Variants in MGAT5 observed in about 807,000 individuals in gnomAD.
MGAT5 encodes the protein alpha-1,6-mannosylglycoprotein 6-beta-N-acetylglucosaminyltransferase A.
In MGAT5, 30 loss-of-function variants were observed where a neutral mutation model predicts 94.3. The ratio of observed to expected loss-of-function variants is 0.32; its 90% CI spans 0.24 to 0.43. MGAT5 has a LOEUF of 0.43. MGAT5 is among the 20% of genes least tolerant of loss of function. The pLI is 1.00. For synonymous variants in MGAT5, 310 were observed against 322.9 expected (o/e 0.96, Z 0.43); for missense variants, 691 against 905.5 (o/e 0.76, Z 3.04).
chr2:134,428,545 T>C, intron 14 of MGAT5, 106 bp downstream of exon 14: 1 of 1,044,026 alleles, frequency 9.6e-7, no homozygotes, highest in Non-Finnish European at 1.4e-6. Flanking sequence ...GTGGCTATTT[T>C]CCTGCTTTGG....
At chr2:134,191,934 G>T (rs575467440) in intron 1 of MGAT5, among the ~76,000 whole-genome samples, 3 of 144,940 alleles carry the variant, frequency 2.1e-5, no homozygotes, top group South Asian at 2.2e-4. Context: ...CTGATGGAAG[G>T]GTGGATTCGT....
intron 2 of MGAT5, among the ~76,000 whole-genome samples, chr2:134,296,295 G>A (rs1685668967): frequency 6.6e-6 from 1 of 152,128 alleles, no homozygotes; most frequent in South Asian, 2.1e-4. Context: ...GGACCTGGGA[G>A]TCAGTTTCTG....
At chr2:134,368,324 G>A (rs1172579851) in intron 10 of MGAT5, among the ~76,000 whole-genome samples, 1 of 152,210 alleles carries the variant, frequency 6.6e-6, no homozygotes, top group Non-Finnish European at 1.5e-5. Context: ...AGCCAGTTCT[G>A]TAGAGTGAGT....
At chr2:134,128,403 T>C (rs1028980805) in intron 1 of MGAT5, among the ~76,000 whole-genome samples, 9 of 152,184 alleles carry the variant, frequency 5.9e-5, no homozygotes, top group African/African-American at 2.2e-4. Context: ...TACCAGCTTG[T>C]TAAGTAGTAT....
At chr2:134,447,149 TA>T (rs1685832510) in intron 15 of MGAT5, among the ~76,000 whole-genome samples, 3 of 152,156 alleles carry the variant, frequency 2.0e-5, no homozygotes, top group Non-Finnish European at 4.4e-5. Context: ...TATGCATACA[TA>T]CACATACAAG....
chr2:134,289,605 T>C (rs1685223707), intron 2 of MGAT5, among the ~76,000 whole-genome samples: 1 of 152,224 alleles, frequency 6.6e-6, no homozygotes, highest in South Asian at 2.1e-4. Flanking sequence ...ATTTGGATCT[T>C]GGAAATCCAG....
chr2:134,254,600 G>A lies in MGAT5; in HGVS notation c.197G>A (p.Arg66Lys), dbSNP rs1372606208. The change falls in exon 1 of 16, where the codon AGG becomes AAG. Residue 66 changes from arginine (R) to lysine (K), a missense_variant. Transcript: ENST00000281923. ...RYIKALAEEN[R>K]NVVDGPYAGV... is the part of the protein sequence containing the mutation. Reference sequence around the variant, plus strand: ...ATCAAGGCACTGGCAGAAGAAAACAGGAATGTGGTGGATGGGCCATACGCT... The same window carrying A: ...ATCAAGGCACTGGCAGAAGAAAACAAGAATGTGGTGGATGGGCCATACGCT... 2.5e-6 allele frequency: 4 copies of A among 1,614,100 alleles called. No individual in the cohort carries two copies. In the Admixed American group the frequency reaches 6.7e-5, roughly 27 times the overall value.
intron 3 of MGAT5, 120 bp downstream of exon 3, chr2:134,317,725 G>A (rs1687079451): frequency 1.2e-5 from 7 of 588,594 alleles, no homozygotes; most frequent in Non-Finnish European, 1.1e-5. Flanking sequence ...GATCATTTAT[G>A]GGGTGCCTCC....
chr2:134,346,347 G>A (rs564192010), intron 8 of MGAT5, among the ~76,000 whole-genome samples: 1 of 152,160 alleles, frequency 6.6e-6, no homozygotes, highest in Admixed American at 6.5e-5. Flanking sequence ...GGATGAAAAG[G>A]CACCATCTCA....
intron 4 of MGAT5, among the ~76,000 whole-genome samples, chr2:134,331,420 TG>T (rs1437148865): frequency 6.6e-6 from 1 of 152,116 alleles, no homozygotes; most frequent in African/African-American, 2.4e-5. Flanking sequence ...GCTTTCCAAT[TG>T]AAGGTTACTG....
intron 15 of MGAT5, among the ~76,000 whole-genome samples, chr2:134,442,434 A>G (rs1289735895): frequency 6.6e-6 from 1 of 152,148 alleles, no homozygotes; most frequent in African/African-American, 2.4e-5. Context: ...AATCTCCAAG[A>G]GCAGCCTTCT....
chr2:134,323,503 G>C (rs2105921699), intron 4 of MGAT5, among the ~76,000 whole-genome samples: 1 of 152,240 alleles, frequency 6.6e-6, no homozygotes, highest in East Asian at 1.9e-4. Context: ...ACTCTAAAGA[G>C]TAATGGAGAG....
intron 1 of MGAT5, among the ~76,000 whole-genome samples, chr2:134,178,767 T>C (rs1004245906): frequency 1.3e-5 from 2 of 152,212 alleles, no homozygotes; most frequent in African/African-American, 2.4e-5. Flanking sequence ...GTGGCTTTGT[T>C]AACACCTGTG....
chr2:134,383,291 A>G (rs866083263), intron 10 of MGAT5, among the ~76,000 whole-genome samples: 9 of 152,250 alleles, frequency 5.9e-5, no homozygotes, highest in Middle Eastern at 3.2e-3. Flanking sequence ...ATGAGCAATG[A>G]TATCTGCTGT....
Position 134,448,691 on chromosome 2 carries a change from C to G in MGAT5, c.2070C>G (p.Ile690Met). 1.9e-6 allele frequency: 3 copies of G among 1,614,230 alleles called. No individual in the cohort carries two copies. Among genetic ancestry groups the G allele is most frequent in the Non-Finnish European group, 2.5e-6 (3 of 1,180,052 alleles). ...AAAGCTCAGAGCTGGCCAAGGACATCCTGGTGCCCTCCTTTGACCCTAAGA... is the reference window on the plus strand; with the variant it reads ...AAAGCTCAGAGCTGGCCAAGGACATGCTGGTGCCCTCCTTTGACCCTAAGA... ...TCQSSELAKD[I>M]LVPSFDPKNK... The change falls in exon 16 of 16, where the codon ATC becomes ATG. Residue 690 changes from isoleucine (I) to methionine (M), a missense_variant. Physicochemically the swap from Ile to Met is conservative, Grantham distance 10. Coordinates refer to ENST00000281923, the MANE Select transcript of MGAT5 (RefSeq NM_002410.5).
At chr2:134,385,804 T>G (rs575187767) in intron 10 of MGAT5, among the ~76,000 whole-genome samples, 104 of 152,318 alleles carry the variant, frequency 6.8e-4, no homozygotes, top group African/African-American at 2.4e-3. Flanking sequence ...TGGGTATTTT[T>G]GGGAGGAGGA....
intron 9 of MGAT5, among the ~76,000 whole-genome samples, chr2:134,356,357 G>T (rs116720662): frequency 2.6e-5 from 4 of 151,818 alleles, no homozygotes; most frequent in African/African-American, 9.7e-5. Flanking sequence ...TCCTTGTAAG[G>T]TGCTCCTTAG....
chr2:134,224,267 G>A (rs905082673), intron 1 of MGAT5, among the ~76,000 whole-genome samples: 3 of 152,148 alleles, frequency 2.0e-5, no homozygotes, highest in Non-Finnish European at 2.9e-5. Flanking sequence ...TTTCCAGAGC[G>A]GTACTTGGTA....
intron 10 of MGAT5, among the ~76,000 whole-genome samples, chr2:134,386,421 A>T (rs1276839788): frequency 6.6e-6 from 1 of 152,218 alleles, no homozygotes; most frequent in Non-Finnish European, 1.5e-5. Context: ...ACCGTAAAAT[A>T]AAAAAATCTC....
Sources: allele counts gnomAD v4.1 joint callset (sites outside exome capture counted in the v4.1 genomes callset), GRCh38; gene constraint gnomAD v4.1.1; transcripts MANE v1.5; gene names NCBI Gene and HGNC (gene_info 2026-07-23, HGNC 2026-07-21).